Variants in HIVEP1 observed in about 807,000 individuals in gnomAD.
HIVEP1 encodes the protein zinc finger protein 40.
Under a neutral mutation model 180.0 loss-of-function variants are expected in HIVEP1, and 36 were observed. That is an observed-to-expected ratio of 0.20 (90% confidence interval 0.15 to 0.26). The LOEUF (loss-of-function observed/expected upper bound fraction) is 0.26. HIVEP1 is among the 10% of genes least tolerant of loss of function. HIVEP1 has a pLI of 1.00. For synonymous variants in HIVEP1, 1,239 were observed against 1,239.0 expected, an observed-to-expected ratio of 1.00 and a Z score of 0.00; for missense variants, 3,143 against 3,268.7, an observed-to-expected ratio of 0.96 and a Z score of 0.94.
At chr6:12,108,283 A>G (rs9394551) in intron 3 of HIVEP1, among the ~76,000 whole-genome samples, 21,576 of 152,002 alleles carry the variant, frequency 0.14, 1,848 homozygotes, top group Middle Eastern at 0.24. Context: ...AGACATAAAG[A>G]TTCTCCGCGT....
the HIVEP1 span, among the ~76,000 whole-genome samples, chr6:12,194,397 A>G: frequency 6.6e-6 from 1 of 152,106 alleles, no homozygotes; most frequent in African/African-American, 2.4e-5. Flanking sequence ...CTACCACATA[A>G]CTAAATTAAG....
At chr6:12,194,585 T>C in the HIVEP1 span, among the ~76,000 whole-genome samples, 1 of 151,834 alleles carries the variant, frequency 6.6e-6, no homozygotes, top group South Asian at 2.1e-4. Context: ...TGGGTCACTT[T>C]GAGGTCAGGA....
chr6:12,130,260 A>C (rs938817212), intron 5 of HIVEP1, among the ~76,000 whole-genome samples: 2 of 152,260 alleles, frequency 1.3e-5, no homozygotes, highest in African/African-American at 4.8e-5. Flanking sequence ...ACATCATAAA[A>C]GCCAATTATA....
At chr6:12,098,751 T>C (rs1773918583) in intron 3 of HIVEP1, among the ~76,000 whole-genome samples, 1 of 152,056 alleles carries the variant, frequency 6.6e-6, no homozygotes, top group Non-Finnish European at 1.5e-5. Flanking sequence ...GATAAAGAAC[T>C]GGGAGGAAGT....
the HIVEP1 span, among the ~76,000 whole-genome samples, chr6:12,197,944 A>C: frequency 1.3e-5 from 2 of 152,200 alleles, no homozygotes; most frequent in Admixed American, 1.3e-4. Flanking sequence ...GGTGAGGAAG[A>C]GGGAGGAGGT....
chr6:12,022,526 A>G (rs1451462918), intron 2 of HIVEP1, among the ~76,000 whole-genome samples: 3 of 152,194 alleles, frequency 2.0e-5, no homozygotes, highest in East Asian at 3.8e-4. Context: ...TATAAAGACA[A>G]AGAGTTTGGC....
At chr6:12,103,006 A>G (rs1365554604) in intron 3 of HIVEP1, among the ~76,000 whole-genome samples, 3 of 152,100 alleles carry the variant, frequency 2.0e-5, no homozygotes, top group African/African-American at 7.2e-5. Flanking sequence ...AAAACATCAA[A>G]TAAAATATAT....
chr6:12,097,659 A>G (rs1392162356), intron 3 of HIVEP1, among the ~76,000 whole-genome samples: 2 of 152,122 alleles, frequency 1.3e-5, no homozygotes, highest in African/African-American at 4.8e-5. Context: ...TGTGTCATTT[A>G]TATAAGTTAA....
In HIVEP1 at chr6:12,108,554, C is replaced by T. The variant is rs535964248; in HGVS notation, c.95-11336C>T. Among the ~76,000 whole-genome samples, 466 of 152,362 alleles carry T rather than the reference C, an allele frequency of 3.1e-3. 2 individuals carry two copies. Among genetic ancestry groups the T allele is most frequent in the African/African-American group, 9.2e-3 (383 of 41,588 alleles). Reference sequence around the variant, plus strand: ...GCCCCGCAGGAAGGCAGCTAATGCCCGGCGAGAAATCGAGCGCAGCGCTGG... The same window carrying T: ...GCCCCGCAGGAAGGCAGCTAATGCCTGGCGAGAAATCGAGCGCAGCGCTGG... On this transcript the variant is annotated intron_variant, in intron 3 of 8. Transcript: ENST00000379388.
At chr6:12,069,652 G>A (rs957320798) in intron 2 of HIVEP1, among the ~76,000 whole-genome samples, 1 of 151,450 alleles carries the variant, frequency 6.6e-6, no homozygotes, top group Non-Finnish European at 1.5e-5. Flanking sequence ...CAGCGCACCA[G>A]CATGGCAAAT....
chr6:12,148,486 G>A lies in HIVEP1; in HGVS notation c.6487+12594G>A, dbSNP rs993481620. Among the ~76,000 whole-genome samples, 16 of 152,322 alleles carry A rather than the reference G, an allele frequency of 1.1e-4. No individual in the cohort carries two copies. In the South Asian group the frequency reaches 1.5e-3, roughly 14 times the overall value. ...TGAGGATAAGTGAAAACATTGTATC[G>A]TGTAAAGTGGGATATTTTAACACAC... On this transcript the variant is annotated intron_variant, in intron 7 of 8. Coordinates refer to ENST00000379388, the MANE Select transcript of HIVEP1 (RefSeq NM_002114.4).
At chr6:12,075,422 T>A (rs1415177669) in intron 2 of HIVEP1, among the ~76,000 whole-genome samples, 1 of 152,204 alleles carries the variant, frequency 6.6e-6, no homozygotes, top group African/African-American at 2.4e-5. Flanking sequence ...CTCAGATGAT[T>A]TTTAGGGGCA....
Position 12,119,894 on chromosome 6 carries a change from C to T in HIVEP1, c.99C>T (p.Ile33=), listed in dbSNP as rs117555598. ...LNGAEVSKKE[I]LQAGVKGTSE... is the part of the protein sequence containing the mutation. ...TGTTGTTGTTGTTTTTTCCAGAAAT[C>T]TTACAGGCTGGTGTTAAAGGAACTT... Residue 33 remains isoleucine (I), a synonymous_variant, in exon 4 of 9, where the codon ATC becomes ATT. Transcript: ENST00000379388. 5.2e-4 allele frequency: 800 copies of T among 1,545,224 alleles called. 15 individuals carry two copies. In the East Asian group the frequency reaches 0.018, roughly 34 times the overall value.
chr6:12,051,316 C>A (rs1056224652), intron 2 of HIVEP1, among the ~76,000 whole-genome samples: 1 of 151,782 alleles, frequency 6.6e-6, no homozygotes, highest in South Asian at 2.1e-4. Flanking sequence ...ATGCAGGGTT[C>A]ATTTGTCACA....
At chr6:12,146,477 C>T (rs975070684) in intron 7 of HIVEP1, among the ~76,000 whole-genome samples, 1 of 152,188 alleles carries the variant, frequency 6.6e-6, no homozygotes, top group Non-Finnish European at 1.5e-5. Flanking sequence ...TAGATATAAT[C>T]GTTTTTCATT....
At chr6:12,188,590 C>T in the HIVEP1 span, among the ~76,000 whole-genome samples, 39 of 151,922 alleles carry the variant, frequency 2.6e-4, no homozygotes, top group Non-Finnish European at 4.0e-4. Flanking sequence ...ATATCAAAAT[C>T]AGAACTTAAA....
At chr6:12,167,542 TATATA>T (rs141786687), downstream of HIVEP1, among the ~76,000 whole-genome samples, 2,011 of 124,496 alleles carry the variant, frequency 0.016, 110 homozygotes, top group African/African-American at 0.055. Flanking sequence ...TATTTGTATA[TATATA>T]ATATATGTAT....
At chr6:12,178,712 G>A in the HIVEP1 span, among the ~76,000 whole-genome samples, 10 of 152,100 alleles carry the variant, frequency 6.6e-5, no homozygotes, top group South Asian at 2.1e-4. Context: ...AGAGCTACAC[G>A]TGCAGGCTCT....
intron 7 of HIVEP1, among the ~76,000 whole-genome samples, chr6:12,146,131 A>G (rs1759360478): frequency 6.6e-6 from 1 of 152,216 alleles, no homozygotes; most frequent in African/African-American, 2.4e-5. Context: ...AAATAATTCA[A>G]TATTATTAAT....
Sources: allele counts gnomAD v4.1 joint callset (sites outside exome capture counted in the v4.1 genomes callset), GRCh38; gene constraint gnomAD v4.1.1; transcripts MANE v1.5; gene names NCBI Gene and HGNC (gene_info 2026-07-23, HGNC 2026-07-21).